HMGXB4: variants seen among roughly 807,000 people sequenced by gnomAD.
The protein encoded by HMGXB4 is HMG domain-containing protein 4.
A neutral mutation model predicts 63.9 loss-of-function variants in HMGXB4; 27 were observed. The ratio of observed to expected loss-of-function variants is 0.42; its 90% CI spans 0.31 to 0.58. The LOEUF is 0.58. HMGXB4 is among the 20% of genes least tolerant of loss of function. HMGXB4 has a pLI of 0.13. For missense variants in HMGXB4, 624 were observed against 700.7 expected (o/e 0.89, Z 1.24); for synonymous variants, 264 against 265.3 (o/e 0.99, Z 0.05).
intron 5 of HMGXB4, among the ~76,000 whole-genome samples, chr22:35,274,486 G>A (rs1324472214): frequency 1.3e-5 from 2 of 152,188 alleles, no homozygotes; most frequent in Non-Finnish European, 2.9e-5. Context: ...AGAGTTCCTC[G>A]TATGTTCTAG....
the HMGXB4 span, among the ~76,000 whole-genome samples, chr22:35,249,374 T>C: frequency 2.0e-5 from 2 of 100,018 alleles, 1 homozygote; most frequent in Non-Finnish European, 5.6e-5. Context: ...ATTTTCTTTC[T>C]TTAATAATAA....
intron 6 of HMGXB4, 125 bp downstream of exon 6, chr22:35,284,168 C>G: frequency 1.5e-6 from 1 of 669,872 alleles, no homozygotes; most frequent in Non-Finnish European, 2.6e-6. Flanking sequence ...CTGCAAATCA[C>G]TTTAGATTTT....
In HMGXB4 at chr22:35,293,764, T is replaced by G; in HGVS notation, c.*113T>G. 2 of 665,588 alleles carry G rather than the reference T, an allele frequency of 3.0e-6. No individual in the cohort carries two copies. The highest frequency in any genetic ancestry group is 3.7e-5 in the South Asian group (2 of 54,220). 41.2% of individuals were successfully genotyped at this position (665,588 alleles called of 1,614,324 possible). On this transcript the variant is annotated 3_prime_UTR_variant, in exon 11 of 11. Coordinates refer to ENST00000216106, the MANE Select transcript of HMGXB4 (RefSeq NM_001003681.3). ...TGGCTGTAGGTTTTAAATTTTTATA[T>G]CTATACATACATATATACATATATA...
intron 5 of HMGXB4, among the ~76,000 whole-genome samples, chr22:35,278,929 C>G (rs1206908558): frequency 1.3e-5 from 2 of 150,652 alleles, no homozygotes; most frequent in South Asian, 2.1e-4. Flanking sequence ...CACTCGTAGT[C>G]TTAACTACTC....
upstream of HMGXB4, among the ~76,000 whole-genome samples, chr22:35,255,515 AAAAC>A (rs547053744): frequency 6.2e-4 from 95 of 152,312 alleles, no homozygotes; most frequent in Middle Eastern, 0.01. Flanking sequence ...ACCCTGTCTC[AAAAC>A]AAACAAACAA....
rs1250788177 is a variant in HMGXB4, at chr22:35,262,712, A to G, written c.31+291A>G. On this transcript the variant is annotated intron_variant, in intron 2 of 10. Coordinates refer to ENST00000216106, the MANE Select transcript of HMGXB4 (RefSeq NM_001003681.3). ...AGCTCCAGTGTGCAGGAGTCTGGGG[A>G]TAGGAATCACATCCTGGACTCCCAC... 4 of 521,936 alleles carry G rather than the reference A, an allele frequency of 7.7e-6. No homozygotes were observed. In the East Asian group the frequency reaches 1.3e-4, roughly 17 times the overall value. The allele number at this position is 521,936 out of a possible 1,614,324, so 32.3% of individuals were successfully genotyped here. A position where few individuals can be genotyped will look rare whatever the true frequency, so the allele number is the denominator to read the frequency against.
chr22:35,246,603 G>C, the HMGXB4 span, among the ~76,000 whole-genome samples: 1 of 152,198 alleles, frequency 6.6e-6, no homozygotes, highest in East Asian at 1.9e-4. Flanking sequence ...GTCTTGCTAG[G>C]GGGTGGCTGG....
chr22:35,285,511 C>G (rs1924514793), intron 6 of HMGXB4, among the ~76,000 whole-genome samples: 1 of 152,166 alleles, frequency 6.6e-6, no homozygotes, highest in East Asian at 1.9e-4. Flanking sequence ...CGCCACTTCA[C>G]TCCAGCCTGG....
At chr22:35,285,917 C>T in intron 6 of HMGXB4, 80 bp from the exon 7 acceptor site, 2 of 1,036,050 alleles carry the variant, frequency 1.9e-6, no homozygotes, top group East Asian at 2.5e-5. Context: ...AACCCTTTTC[C>T]AGTTTTTGCT....
At chr22:35,276,575 A>G (rs1358888713) in intron 5 of HMGXB4, among the ~76,000 whole-genome samples, 1 of 152,176 alleles carries the variant, frequency 6.6e-6, no homozygotes, top group Non-Finnish European at 1.5e-5. Context: ...TACCCTTTAC[A>G]TGAACTCATG....
chr22:35,262,949 T>G (rs1922955550), intron 2 of HMGXB4, 129 bp from the exon 3 acceptor site: 2 of 860,458 alleles, frequency 2.3e-6, no homozygotes, highest in African/African-American at 1.7e-5. Context: ...GCCCTGTATT[T>G]CAGTGGACTT....
Position 35,258,368 on chromosome 22 carries a change from A to G in HMGXB4, c.-69+811A>G, listed in dbSNP as rs1482933103. ...TGGAGGGCTAAGCTGGTGGCTGATT[A>G]TATTTCCTCCTAATAGAACAAAGTA... On this transcript the variant is annotated intron_variant, in intron 1 of 10. Coordinates refer to ENST00000216106, the MANE Select transcript of HMGXB4 (RefSeq NM_001003681.3). 6 of 152,220 alleles carry G rather than the reference A, an allele frequency of 3.9e-5. No homozygotes were observed. In the South Asian group the frequency reaches 6.2e-4, roughly 16 times the overall value. 9.4% of individuals were successfully genotyped at this position (152,220 alleles called of 1,614,324 possible). A position where few individuals can be genotyped will look rare whatever the true frequency, so the allele number is the denominator to read the frequency against.
Position 35,263,182 on chromosome 22 carries a change from G to A in HMGXB4, c.136G>A (p.Glu46Lys). 6.2e-7 allele frequency: 1 copy of A among 1,613,984 alleles called. No individual in the cohort carries two copies. Among genetic ancestry groups the A allele is most frequent in the East Asian group, 2.2e-5 (1 of 44,876 alleles). ...CAAAGATTTTTTAAGGGAAGAGGAA[G>A]AAATTGCTGCTCAGGTCAGGAATTC... The part of the protein sequence containing the change: ...SYKDFLREEE[E>K]IAAQVRNSSK... Residue 46 changes from glutamate to lysine, a missense_variant, in exon 3 of 11, where the codon GAA becomes AAA. Glu to Lys is a moderately conservative substitution (Grantham distance 56, BLOSUM62 1). Around this residue, in one of 2 missense-constraint regions of HMGXB4, gnomAD observed 472 missense variants for 470.6 expected, o/e 1.00. Transcript: ENST00000216106.
the HMGXB4 span, among the ~76,000 whole-genome samples, chr22:35,247,952 A>G: frequency 6.6e-6 from 1 of 152,196 alleles, no homozygotes; most frequent in Non-Finnish European, 1.5e-5. Context: ...CAATCACCAG[A>G]GAGTGCACTT....
rs1925164113 is a variant in HMGXB4 at position 35,294,781 on chromosome 22, T to TCTCCCTTCCGCC, written c.*1139_*1150dup. 6.6e-6 allele frequency: 1 copy of TCTCCCTTCCGCC among 152,098 alleles called. No homozygotes were observed. The highest frequency in any genetic ancestry group is 2.4e-5 in the African/African-American group (1 of 41,412). 9.4% of individuals were successfully genotyped at this position (152,098 alleles called of 1,614,324 possible). ...ATGTGGAAGATACAGATTTGTCATT[T>TCTCCCTTCCGCC]CTCCCTTCCGCCCTCCCTTCTTTCC... On this transcript the variant is annotated 3_prime_UTR_variant, in exon 11 of 11. Coordinates refer to ENST00000216106, the MANE Select transcript of HMGXB4 (RefSeq NM_001003681.3).
intron 5 of HMGXB4, among the ~76,000 whole-genome samples, chr22:35,270,112 T>C (rs1177056893): frequency 2.0e-5 from 3 of 152,208 alleles, no homozygotes; most frequent in Admixed American, 6.5e-5. Context: ...CACAGACCAG[T>C]AGCCGTCCGC....
chr22:35,262,951 A>G lies in HMGXB4; in HGVS notation c.32-127A>G, dbSNP rs1922955692. 4 of 872,918 alleles carry G rather than the reference A, an allele frequency of 4.6e-6. No individual in the cohort carries two copies. The Admixed American group carries it at 7.0e-5, about 15-fold the overall frequency. The allele number at this position is 872,918 out of a possible 1,614,324, so 54.1% of individuals were successfully genotyped here. A position where few individuals can be genotyped will look rare whatever the true frequency, so the allele number is the denominator to read the frequency against. On this transcript the variant is annotated intron_variant, in intron 2 of 10. Transcript: ENST00000216106. ...TCCCCTGGGTCTAGCCCTGTATTTCAGTGGACTTGATTGAAACATTGTTTT... is the reference window on the plus strand; with the variant it reads ...TCCCCTGGGTCTAGCCCTGTATTTCGGTGGACTTGATTGAAACATTGTTTT...
At chr22:35,273,027 C>T (rs1923701618) in intron 5 of HMGXB4, among the ~76,000 whole-genome samples, 1 of 152,172 alleles carries the variant, frequency 6.6e-6, no homozygotes, top group South Asian at 2.1e-4. Context: ...TTTCTCTAAA[C>T]CTAAGGCAGG....
At chr22:35,273,353 T>C (rs1923722045) in intron 5 of HMGXB4, among the ~76,000 whole-genome samples, 1 of 152,254 alleles carries the variant, frequency 6.6e-6, no homozygotes. Context: ...CGTGCCATGA[T>C]AGATCTTTGA....
Sources: allele counts gnomAD v4.1 joint callset (sites outside exome capture counted in the v4.1 genomes callset), GRCh38; gene constraint gnomAD v4.1.1; regional missense constraint gnomAD v4.1.1; transcripts MANE v1.5; gene names NCBI Gene and HGNC (gene_info 2026-07-23, HGNC 2026-07-21).